The following PPP1R14C variants were observed in gnomAD, a reference collection of about 807,000 sequenced individuals.
The protein encoded by PPP1R14C is protein phosphatase 1 regulatory inhibitor subunit 14C.
PPP1R14C carries 16 observed loss-of-function variants against 20.4 expected under a neutral mutation model. The ratio of observed to expected loss-of-function variants is 0.78; its 90% CI spans 0.53 to 1.19. PPP1R14C has a LOEUF of 1.19. Ranked by LOEUF, PPP1R14C falls within the 50% of genes most tolerant of loss-of-function variation. The pLI, the probability that PPP1R14C is intolerant of heterozygous loss-of-function variation, is 0.00. For missense variants in PPP1R14C, 211 were observed against 220.1 expected, an observed-to-expected ratio of 0.96 and a Z score of 0.26; for synonymous variants, 91 against 91.0, an observed-to-expected ratio of 1.00 and a Z score of 0.00.
At chr6:150,172,609 A>T (rs1411934649) in intron 1 of PPP1R14C, among the ~76,000 whole-genome samples, 2 of 152,078 alleles carry the variant, frequency 1.3e-5, no homozygotes, top group Non-Finnish European at 2.9e-5. Flanking sequence ...TTCTTTTCTT[A>T]TGAAGCCTTG....
intron 3 of PPP1R14C, among the ~76,000 whole-genome samples, chr6:150,243,435 C>G (rs1053709936): frequency 2.2e-4 from 34 of 152,120 alleles, no homozygotes; most frequent in African/African-American, 8.2e-4. Flanking sequence ...ACCTCGGCCT[C>G]CCAAAGTGTT....
chr6:150,167,105 G>A (rs1351245743), intron 1 of PPP1R14C, among the ~76,000 whole-genome samples: 5 of 152,136 alleles, frequency 3.3e-5, no homozygotes, highest in East Asian at 1.9e-4. Flanking sequence ...GGTGGCTCAC[G>A]CCTGTAATCC....
At chr6:150,152,119 C>CAAAAAAAAA (rs577869928) in intron 1 of PPP1R14C, among the ~76,000 whole-genome samples, 10 of 85,002 alleles carry the variant, frequency 1.2e-4, no homozygotes, top group African/African-American at 3.7e-4. Flanking sequence ...GACTCCGTCT[C>CAAAAAAAAA]AAAAAAAAAA....
At chr6:150,203,393 A>G (rs1421039430) in intron 1 of PPP1R14C, among the ~76,000 whole-genome samples, 1 of 152,208 alleles carries the variant, frequency 6.6e-6, no homozygotes, top group African/African-American at 2.4e-5. Context: ...TTGATGGCCC[A>G]TATCAGCAAT....
intron 1 of PPP1R14C, among the ~76,000 whole-genome samples, chr6:150,150,435 C>T (rs144434726): frequency 6.6e-6 from 1 of 152,150 alleles, no homozygotes; most frequent in Non-Finnish European, 1.5e-5. Flanking sequence ...CTGTTCTCAT[C>T]TCTGTGGGTA....
At chr6:150,172,567 T>C (rs745392018) in intron 1 of PPP1R14C, among the ~76,000 whole-genome samples, 4 of 152,196 alleles carry the variant, frequency 2.6e-5, no homozygotes, top group Non-Finnish European at 5.9e-5. Flanking sequence ...ATTCATCATT[T>C]AGCTATTGAG....
At chr6:150,241,561 G>A (rs1230359591) in intron 3 of PPP1R14C, among the ~76,000 whole-genome samples, 1 of 152,120 alleles carries the variant, frequency 6.6e-6, no homozygotes, top group Non-Finnish European at 1.5e-5. Context: ...TTAACCCGTA[G>A]CATCTAACTC....
chr6:150,241,471 G>T (rs2114932491), intron 3 of PPP1R14C, among the ~76,000 whole-genome samples: 1 of 152,296 alleles, frequency 6.6e-6, no homozygotes, highest in Middle Eastern at 3.4e-3. Flanking sequence ...TTCATAGCTG[G>T]TCAGCCAGAA....
intron 1 of PPP1R14C, among the ~76,000 whole-genome samples, chr6:150,154,607 G>C (rs1777285582): frequency 6.6e-6 from 1 of 152,218 alleles, no homozygotes; most frequent in South Asian, 2.1e-4. Flanking sequence ...AGGAGAAATA[G>C]AAGTGTCTTC....
intron 1 of PPP1R14C, among the ~76,000 whole-genome samples, chr6:150,186,842 GA>G (rs1313764396): frequency 6.6e-6 from 1 of 152,214 alleles, no homozygotes. Context: ...CAAAGCTGGA[GA>G]AGTTGCTGGG....
chr6:150,184,098 A>G (rs1362321750), intron 1 of PPP1R14C, among the ~76,000 whole-genome samples: 2 of 152,216 alleles, frequency 1.3e-5, no homozygotes. Context: ...TCTGTCATAG[A>G]TTCAGAAGTT....
intron 3 of PPP1R14C, among the ~76,000 whole-genome samples, chr6:150,243,468 G>A (rs180896960): frequency 6.6e-6 from 1 of 152,168 alleles, no homozygotes; most frequent in East Asian, 1.9e-4. Flanking sequence ...ATGAGCCACG[G>A]CACCCAGCCC....
chr6:150,190,676 C>A (rs973168758), intron 1 of PPP1R14C, among the ~76,000 whole-genome samples: 1 of 152,110 alleles, frequency 6.6e-6, no homozygotes, highest in Non-Finnish European at 1.5e-5. Flanking sequence ...CCACTCTCCT[C>A]GGCCTCTTAA....
intron 1 of PPP1R14C, among the ~76,000 whole-genome samples, chr6:150,182,396 T>A (rs965861538): frequency 6.6e-6 from 1 of 152,306 alleles, no homozygotes; most frequent in East Asian, 1.9e-4. Flanking sequence ...TGCCAGTAGA[T>A]TGGGTATTTG....
intron 3 of PPP1R14C, among the ~76,000 whole-genome samples, chr6:150,231,078 G>T (rs9383732): frequency 0.03 from 4,519 of 152,318 alleles, 120 homozygotes; most frequent in East Asian, 0.15. Flanking sequence ...AGTGCAGGGC[G>T]CAGAGCTCAG....
At chr6:150,210,196 T>C (rs553563728) in intron 1 of PPP1R14C, among the ~76,000 whole-genome samples, 6 of 152,236 alleles carry the variant, frequency 3.9e-5, no homozygotes, top group South Asian at 2.1e-4. Context: ...TGCTTGCAAG[T>C]TGGGGCAAGG....
At chr6:150,155,075 T>C (rs989351934) in intron 1 of PPP1R14C, among the ~76,000 whole-genome samples, 1 of 152,170 alleles carries the variant, frequency 6.6e-6, no homozygotes, top group Non-Finnish European at 1.5e-5. Flanking sequence ...TGAGGGAGGT[T>C]CATTTTGAGA....
intron 1 of PPP1R14C, among the ~76,000 whole-genome samples, chr6:150,202,588 C>T (rs142717888): frequency 2.0e-5 from 3 of 152,364 alleles, no homozygotes; most frequent in South Asian, 2.1e-4. Flanking sequence ...CCTTTGCCGC[C>T]GGGACAGCCC....
intron 1 of PPP1R14C, among the ~76,000 whole-genome samples, chr6:150,145,934 T>G (rs1312999521): frequency 1.3e-5 from 2 of 152,198 alleles, no homozygotes; most frequent in Non-Finnish European, 2.9e-5. Flanking sequence ...CTTTTCAGAA[T>G]AGAAAATAAT....
Sources: allele counts gnomAD v4.1 joint callset (sites outside exome capture counted in the v4.1 genomes callset), GRCh38; gene constraint gnomAD v4.1.1; transcripts MANE v1.5; gene names NCBI Gene and HGNC (gene_info 2026-07-23, HGNC 2026-07-21).